Variants in ERLIN1 observed in about 807,000 individuals in gnomAD.
ERLIN1 encodes the protein erlin-1.
Under a neutral mutation model 46.9 loss-of-function variants are expected in ERLIN1, and 24 were observed. That is an observed-to-expected ratio of 0.51 (90% CI 0.37 to 0.72). ERLIN1 has a LOEUF of 0.72. Among genes scored for constraint, ERLIN1 ranks in the 30% least tolerant of loss-of-function variants. ERLIN1 has a pLI of 0.00. For synonymous variants in ERLIN1, 158 were observed against 143.2 expected, an observed-to-expected ratio of 1.10 and a Z score of -0.74; for missense variants, 293 against 417.9, an observed-to-expected ratio of 0.70 and a Z score of 2.61.
intron 6 of ERLIN1, among the ~76,000 whole-genome samples, chr10:100,171,865 AAGAG>A: frequency 6.6e-6 from 1 of 152,366 alleles, no homozygotes; most frequent in South Asian, 2.1e-4. Context: ...CAAAAGGATT[AAGAG>A]AGAAAGGGAA....
chr10:100,179,830 CCA>C (rs1193611985), intron 2 of ERLIN1, among the ~76,000 whole-genome samples: 12 of 152,172 alleles, frequency 7.9e-5, no homozygotes, highest in African/African-American at 2.9e-4. Context: ...GAAAACTCTT[CCA>C]GAGTCCCTTA....
intron 1 of ERLIN1, among the ~76,000 whole-genome samples, 154 bp downstream of exon 1, chr10:100,185,360 G>C (rs911786413): frequency 6.6e-6 from 1 of 152,160 alleles, no homozygotes; most frequent in East Asian, 1.9e-4. Flanking sequence ...ACATCTGGAG[G>C]GTGCTCCGCA....
At chr10:100,165,586 T>C (rs917165134) in intron 7 of ERLIN1, among the ~76,000 whole-genome samples, 17 of 151,850 alleles carry the variant, frequency 1.1e-4, no homozygotes, top group Non-Finnish European at 1.5e-4. Context: ...CGGGGTTTCA[T>C]TGTGTTAGCT....
chr10:100,164,477 C>T (rs1843527035), intron 7 of ERLIN1, among the ~76,000 whole-genome samples: 1 of 152,246 alleles, frequency 6.6e-6, no homozygotes, highest in Non-Finnish European at 1.5e-5. Flanking sequence ...GCCGTTTCTA[C>T]AGTCCTGCAG....
At chr10:100,174,952 T>G (rs1844206921) in intron 5 of ERLIN1, among the ~76,000 whole-genome samples, 1 of 152,220 alleles carries the variant, frequency 6.6e-6, no homozygotes. Context: ...CCCATCAGTT[T>G]CCTCACATGC....
chr10:100,156,005 A>C (rs944648639), intron 9 of ERLIN1, 140 bp downstream of exon 9: 3 of 538,126 alleles, frequency 5.6e-6, no homozygotes, highest in African/African-American at 3.8e-5. Flanking sequence ...ATTTATTTAG[A>C]CTATCAGGCC....
intron 6 of ERLIN1, among the ~76,000 whole-genome samples, chr10:100,170,016 TCAAAACAAAA>T (rs548819888): frequency 2.2e-4 from 33 of 152,228 alleles, no homozygotes; most frequent in Non-Finnish European, 4.4e-4. Context: ...AGACCCTGTC[TCAAAACAAAA>T]CAAAACAAAA....
At chr10:100,155,708 G>A (rs939906722) in intron 9 of ERLIN1, among the ~76,000 whole-genome samples, 3 of 151,986 alleles carry the variant, frequency 2.0e-5, no homozygotes, top group Non-Finnish European at 4.4e-5. Flanking sequence ...TAGAGACGGG[G>A]TTTCACCGTT....
At chr10:100,167,520 A>G in intron 6 of ERLIN1, 114 bp from the exon 7 acceptor site, 1 of 768,758 alleles carries the variant, frequency 1.3e-6, no homozygotes, top group Non-Finnish European at 2.1e-6. Context: ...CAGCTATAAT[A>G]TAGCGGCCTA....
At chr10:100,152,824 G>A (rs948810466) in intron 10 of ERLIN1, among the ~76,000 whole-genome samples, 8 of 152,048 alleles carry the variant, frequency 5.3e-5, no homozygotes, top group Non-Finnish European at 7.4e-5. Context: ...CCAAAGTGTC[G>A]GAATCAAAGA....
At position 100,185,985 on chromosome 10, in the gene ERLIN1, C is replaced by G; in HGVS notation, c.-359G>C. 1 of 432,706 alleles carries G rather than the reference C, an allele frequency of 2.3e-6. No individual in the cohort carries two copies. Among genetic ancestry groups the G allele is most frequent in the Non-Finnish European group, 4.1e-6 (1 of 246,804 alleles). The allele number at this position is 432,706 out of a possible 1,614,324, so 26.8% of individuals were successfully genotyped here. On this transcript the variant is annotated 5_prime_UTR_variant, in exon 1 of 11. Transcript: ENST00000421367. ...ACCGATCAGTGACGCATCGCCCCCG[C>G]CCGCACGTGCAGCCGACTCCCGCGC...
chr10:100,184,285 A>G (rs1564821546), intron 1 of ERLIN1, among the ~76,000 whole-genome samples: 1 of 152,236 alleles, frequency 6.6e-6, no homozygotes, highest in Admixed American at 6.5e-5. Flanking sequence ...TCTGAGGCTT[A>G]TAATTCTTTC....
intron 7 of ERLIN1, among the ~76,000 whole-genome samples, chr10:100,165,027 C>T (rs1398687928): frequency 6.6e-6 from 1 of 152,152 alleles, no homozygotes. Context: ...CCAAGCATTT[C>T]GGATAAGGGG....
chr10:100,185,867 C>G lies in ERLIN1; in HGVS notation c.-241G>C. The G allele has an allele frequency of 1.8e-6, 1 of 562,754 alleles. No homozygotes were observed. The highest frequency in any genetic ancestry group is 4.6e-4 in the Middle Eastern group (1 of 2,154). The allele number at this position is 562,754 out of a possible 1,614,324, so 34.9% of individuals were successfully genotyped here. A position where few individuals can be genotyped will look rare whatever the true frequency, so the allele number is the denominator to read the frequency against. ...TGCTCGGTGAGCTTCCTGAAACTCC[C>G]TCTCCCAAGGGTCGCTCCCGGGTGG... On this transcript the variant is annotated 5_prime_UTR_variant, in exon 1 of 11. Coordinates refer to ENST00000421367, the MANE Select transcript of ERLIN1 (RefSeq NM_006459.4).
intron 9 of ERLIN1, among the ~76,000 whole-genome samples, chr10:100,155,257 C>G (rs974226920): frequency 6.6e-6 from 1 of 152,084 alleles, no homozygotes; most frequent in Non-Finnish European, 1.5e-5. Context: ...AAAATAAGTC[C>G]AGACATAAAA....
intron 8 of ERLIN1, among the ~76,000 whole-genome samples, chr10:100,158,884 G>A (rs1366151864): frequency 6.6e-6 from 1 of 152,132 alleles, no homozygotes; most frequent in Non-Finnish European, 1.5e-5. Context: ...AAGGGAAAAA[G>A]AAGCAGAGAA....
intron 6 of ERLIN1, among the ~76,000 whole-genome samples, chr10:100,171,063 A>G (rs1188962814): frequency 6.6e-6 from 1 of 152,226 alleles, no homozygotes. Context: ...GATGAATTAA[A>G]AGATTTAAAT....
chr10:100,158,444 AT>A (rs1250841507), intron 8 of ERLIN1, among the ~76,000 whole-genome samples: 1 of 152,222 alleles, frequency 6.6e-6, no homozygotes, highest in East Asian at 1.9e-4. Context: ...TTGGTTTAGA[AT>A]TGTAGGCTAA....
intron 5 of ERLIN1, among the ~76,000 whole-genome samples, chr10:100,175,193 C>T (rs181499186): frequency 4.6e-5 from 7 of 152,284 alleles, no homozygotes; most frequent in Admixed American, 1.3e-4. Flanking sequence ...CTTAGAAAGG[C>T]CTTTTGTAAA....
Sources: gnomAD v4.1 joint callset for allele counts (sites outside exome capture counted in the v4.1 genomes callset) on GRCh38, gnomAD v4.1.1 for gene constraint, MANE v1.5 for transcripts, NCBI Gene and HGNC (gene_info 2026-07-23, HGNC 2026-07-21) for gene names.